NBN: variants seen among roughly 807,000 people sequenced by gnomAD.
NBN encodes the protein Nijmegen breakage syndrome 1 (nibrin).
NBN carries 88 observed loss-of-function variants against 90.8 expected under a neutral mutation model. The ratio of observed to expected loss-of-function variants is 0.97; its 90% CI spans 0.82 to 1.16. The LOEUF (loss-of-function observed/expected upper bound fraction) is 1.16. Among genes scored for constraint, NBN ranks in the 50% most tolerant of loss-of-function variants. NBN has a pLI of 0.00. For missense variants in NBN, 894 were observed against 869.6 expected (o/e 1.03, Z -0.35); for synonymous variants, 328 against 295.1 (o/e 1.11, Z -1.14).
chr8:89,938,298 G>A (rs1377056479), intron 14 of NBN, among the ~76,000 whole-genome samples: 1 of 152,114 alleles, frequency 6.6e-6, no homozygotes, highest in African/African-American at 2.4e-5. Flanking sequence ...GAATCATGTT[G>A]TTTTGTTGTA....
chr8:89,981,150 G>T (rs1208843710), intron 3 of NBN, among the ~76,000 whole-genome samples: 1 of 152,058 alleles, frequency 6.6e-6, no homozygotes, highest in Non-Finnish European at 1.5e-5. Context: ...CACCAATGAG[G>T]AATCGAAGAA....
At chr8:89,960,430 G>A (rs1355000782) in intron 8 of NBN, among the ~76,000 whole-genome samples, 2 of 152,132 alleles carry the variant, frequency 1.3e-5, no homozygotes, top group South Asian at 4.1e-4. Context: ...CAAGAGGACT[G>A]CTTGAGGCCA....
intron 5 of NBN, among the ~76,000 whole-genome samples, chr8:89,971,589 G>C (rs1811521316): frequency 6.6e-6 from 1 of 152,036 alleles, no homozygotes; most frequent in African/African-American, 2.4e-5. Flanking sequence ...ACTCAAACAA[G>C]GTGTCTGAAT....
rs1554568378 is a variant in NBN, at chr8:89,981,503, A to C, written c.192T>G (p.Pro64=). 3.7e-6 allele frequency: 6 copies of C among 1,613,048 alleles called. No individual in the cohort carries two copies. Among genetic ancestry groups the C allele is most frequent in the Non-Finnish European group, 4.2e-6 (5 of 1,179,108 alleles). The part of the protein sequence containing the change: ...VTNLSQTDEI[P]VLTLKDNSKY... ...TAGAATTATCTTTTAATGTCAATAC[A>C]GGGATTTCATCTGTTTGACTCTGAA... The change falls in exon 3 of 16, where the codon CCT becomes CCG. Residue 64 remains proline, a synonymous_variant. Transcript: ENST00000265433.
intron 13 of NBN, among the ~76,000 whole-genome samples, chr8:89,944,628 G>A (rs935363523): frequency 4.6e-5 from 7 of 152,068 alleles, no homozygotes; most frequent in Non-Finnish European, 8.8e-5. Flanking sequence ...TACCTGGCCC[G>A]GCACAGTGGT....
chr8:89,971,360 ACTAT>A (rs1450352126), intron 5 of NBN, 70 bp from the exon 6 acceptor site: 63 of 1,483,526 alleles, frequency 4.2e-5, no homozygotes, highest in Admixed American at 7.4e-5. Context: ...AAACGGAGTG[ACTAT>A]CTGACACTCA....
chr8:89,961,765 A>G (rs1266657648), intron 8 of NBN, among the ~76,000 whole-genome samples: 2 of 152,236 alleles, frequency 1.3e-5, no homozygotes, highest in African/African-American at 4.8e-5. Flanking sequence ...TGTGGATAAT[A>G]AGAGCTAGTT....
chr8:89,981,850 T>G (rs749324412), intron 2 of NBN: 12 of 631,100 alleles, frequency 1.9e-5, no homozygotes, highest in Non-Finnish European at 2.6e-5. Flanking sequence ...ACATGACAAT[T>G]TCATTCCTAG....
intron 11 of NBN, among the ~76,000 whole-genome samples, chr8:89,950,601 C>T (rs926341896): frequency 6.6e-6 from 1 of 151,882 alleles, no homozygotes; most frequent in Non-Finnish European, 1.5e-5. Context: ...ATATTTTGTA[C>T]TGTAATTTTC....
chr8:89,939,110 T>C (rs540222258), intron 14 of NBN, among the ~76,000 whole-genome samples: 1 of 152,186 alleles, frequency 6.6e-6, no homozygotes, highest in South Asian at 2.1e-4. Context: ...ATGTACACAA[T>C]GAAAATATCC....
At chr8:89,981,998 T>C (rs1340824337) in intron 2 of NBN, 10 of 1,183,794 alleles carry the variant, frequency 8.4e-6, no homozygotes, top group Non-Finnish European at 1.1e-5. Context: ...AATGTTTTTC[T>C]ATACCTAAAA....
intron 7 of NBN, among the ~76,000 whole-genome samples, chr8:89,968,828 G>A (rs1047856307): frequency 6.6e-6 from 1 of 152,238 alleles, no homozygotes; most frequent in South Asian, 2.1e-4. Flanking sequence ...CAGGGACTGT[G>A]ACTATCTTGT....
chr8:89,980,763 C>T lies in NBN; in HGVS notation c.451G>A (p.Val151Ile). The T allele has an allele frequency of 6.2e-7, 1 of 1,613,358 alleles. No individual in the cohort carries two copies. Among genetic ancestry groups the T allele is most frequent in the South Asian group, 1.1e-5 (1 of 91,068 alleles). ...NNWTEECTHL[V>I]MVSVKVTIKT... ...ATGGTAACTTTCACTGATACCATGA[C>T]AAGGTGAGTGCATTCTTCTGTCCAA... is the stretch of plus-strand genomic sequence containing the variant. The change falls in exon 4 of 16, where the codon GTC becomes ATC. Residue 151 changes from valine to isoleucine, a missense_variant. Coordinates refer to ENST00000265433, the MANE Select transcript of NBN (RefSeq NM_002485.5).
Position 89,953,515 on chromosome 8 carries a change from T to C in NBN, c.1574A>G (p.Asp525Gly), listed in dbSNP as rs1455928001. The part of the protein sequence containing the change: ...DTNSDNNLFT[D>G]TDLKSIVKNS... ...TTTCACAATAGATTTTAAATCTGTA[T>C]CTGTAAATAAGTTATTGTCTGAGTT... The change falls in exon 11 of 16, where the codon GAT (aspartate) becomes GGT (glycine). Residue 525 changes from aspartate (D) to glycine (G), a missense_variant. Transcript: ENST00000265433. 3 of 1,613,758 alleles carry C rather than the reference T, an allele frequency of 1.9e-6. No individual in the cohort carries two copies. Among genetic ancestry groups the C allele is most frequent in the Non-Finnish European group, 1.7e-6 (2 of 1,179,758 alleles).
intron 14 of NBN, among the ~76,000 whole-genome samples, chr8:89,939,591 A>AC (rs1809847512): frequency 1.3e-5 from 2 of 152,214 alleles, no homozygotes; most frequent in South Asian, 4.1e-4. Flanking sequence ...GTGCAGCTGT[A>AC]AAAAGAACCA....
chr8:89,974,463 T>C (rs780573788), intron 5 of NBN, among the ~76,000 whole-genome samples: 28 of 152,298 alleles, frequency 1.8e-4, no homozygotes, highest in Non-Finnish European at 3.1e-4. Flanking sequence ...CCAATGTGTC[T>C]GTTGGGTCTG....
rs587781748 is a variant in NBN at position 89,982,820 on chromosome 8, C to A, written c.73G>T (p.Val25Phe). ...ATGGCACAGTTTTTCCTTCCAACAA[C>A]GTACTCAACGCCAGTCAAAAGTCTG... Reference protein sequence around the residue: ...PYRLLTGVEYVVGRKNCAILI... With the variant: ...PYRLLTGVEYFVGRKNCAILI... The change falls in exon 2 of 16, where the codon GTT becomes TTT. Residue 25 changes from valine to phenylalanine, a missense_variant. Coordinates refer to ENST00000265433, the MANE Select transcript of NBN (RefSeq NM_002485.5). The A allele has an allele frequency of 1.9e-6, 3 of 1,613,444 alleles. No homozygotes were observed. The highest frequency in any genetic ancestry group is 2.5e-6 in the Non-Finnish European group (3 of 1,179,614).
rs142381159 is a variant in NBN, at chr8:89,967,395, C to T, written c.897-2888G>A. On this transcript the variant is annotated intron_variant, in intron 7 of 15. Transcript: ENST00000265433. Reference sequence around the variant, plus strand: ...GAGAAAACTGGGCTAGGGGTAACCACGTAAGTTATTTTCAAAGATCTGGCT... The same window carrying T: ...GAGAAAACTGGGCTAGGGGTAACCATGTAAGTTATTTTCAAAGATCTGGCT... 2.6e-3 allele frequency among the ~76,000 whole-genome samples: 398 copies of T among 152,218 alleles called. 1 individual carries two copies. Among genetic ancestry groups the T allele is most frequent in the African/African-American group, 9.0e-3 (372 of 41,524 alleles).
At chr8:89,968,866 C>T (rs943509962) in intron 7 of NBN, among the ~76,000 whole-genome samples, 9 of 152,130 alleles carry the variant, frequency 5.9e-5, no homozygotes, top group African/African-American at 2.2e-4. Flanking sequence ...GTGCCTAAAA[C>T]ACAATGGAAC....
Sources: allele counts gnomAD v4.1 joint callset (sites outside exome capture counted in the v4.1 genomes callset), GRCh38; gene constraint gnomAD v4.1.1; transcripts MANE v1.5; gene names NCBI Gene and HGNC (gene_info 2026-07-23, HGNC 2026-07-21).